Variants in MFN1 observed in about 807,000 individuals in gnomAD.
MFN1 encodes the protein mitofusin 1.
In MFN1, 65 loss-of-function variants were observed where a neutral mutation model predicts 92.4. The ratio of observed to expected loss-of-function variants is 0.70; its 90% CI spans 0.58 to 0.86. The LOEUF is 0.86. Among genes scored for constraint, MFN1 ranks in the 40% least tolerant of loss-of-function variants. The probability of loss-of-function intolerance (pLI) is 0.00; values close to 1 mark genes in which losing one functional copy is unlikely to be tolerated. For synonymous variants in MFN1, 297 were observed against 300.9 expected (o/e 0.99, Z 0.13); for missense variants, 781 against 868.0 (o/e 0.90, Z 1.26).
Position 179,365,239 on chromosome 3 carries a change from T to TG in MFN1, c.753+14_753+15insG. 1 of 1,452,522 alleles carries TG rather than the reference T, an allele frequency of 6.9e-7. No homozygotes were observed. Among genetic ancestry groups the TG allele is most frequent in the South Asian group, 1.4e-5 (1 of 73,254 alleles). 90.0% of individuals were successfully genotyped at this position (1,452,522 alleles called of 1,614,324 possible). On this transcript the variant is annotated intron_variant, in intron 7 of 17. Transcript: ENST00000471841. The stretch of plus-strand genomic sequence containing the variant: ...TATATGGAAGACGTAAGTTGTTATT[T>TG]TTTTTTTTGTAGGTTTTGAAATACA...
rs1398412365 is a variant in MFN1 at position 179,375,450 on chromosome 3, AC to A, written c.1097+111del. 4.1e-5 allele frequency: 56 copies of A among 1,357,988 alleles called. 1 individual carries two copies. The highest frequency in any genetic ancestry group is 3.8e-4 in the South Asian group (30 of 79,344). The allele number at this position is 1,357,988 out of a possible 1,614,324, so 84.1% of individuals were successfully genotyped here. ...ATAAATACTTTTTACACTGAAATCA[AC>A]CTTGTGGGTTTAACTGATGCCTACT... On this transcript the variant is annotated intron_variant, in intron 10 of 17. Transcript: ENST00000471841.
At chr3:179,357,160 A>G (rs1244706508) in intron 3 of MFN1, among the ~76,000 whole-genome samples, 1 of 152,186 alleles carries the variant, frequency 6.6e-6, no homozygotes, top group Non-Finnish European at 1.5e-5. Flanking sequence ...GCTATCCTTA[A>G]AAGTGTTACG....
At position 179,386,414 on chromosome 3, in the gene MFN1, C is replaced by T; in HGVS notation, c.1816-19C>T. 6.2e-7 allele frequency: 1 copy of T among 1,601,472 alleles called. No individual in the cohort carries two copies. The highest frequency in any genetic ancestry group is 8.5e-7 in the Non-Finnish European group (1 of 1,173,204). ...TGGTGTTTTTCCTTCTCAGACTAAG[C>T]TATGACTTTATCTTACAGATTTGGA... On this transcript the variant is annotated intron_variant, in intron 15 of 17. Transcript: ENST00000471841.
intron 3 of MFN1, among the ~76,000 whole-genome samples, chr3:179,357,688 A>G (rs936001178): frequency 6.6e-6 from 1 of 152,178 alleles, no homozygotes; most frequent in Non-Finnish European, 1.5e-5. Flanking sequence ...AGTTCTTTGC[A>G]TTTCAGAGCC....
chr3:179,348,182 C>T (rs1041799092), intron 1 of MFN1: 2 of 152,394 alleles, frequency 1.3e-5, no homozygotes, highest in Non-Finnish European at 1.5e-5. Context: ...CCACGCAGCT[C>T]CTTCGCGCGG....
intron 14 of MFN1, among the ~76,000 whole-genome samples, 173 bp from the exon 15 acceptor site, chr3:179,385,396 T>C (rs1713640061): frequency 1.3e-5 from 2 of 152,110 alleles, no homozygotes; most frequent in Admixed American, 1.3e-4. Context: ...TTGGTCCATA[T>C]TGTAGATAAG....
intron 3 of MFN1, among the ~76,000 whole-genome samples, chr3:179,353,811 G>A (rs996373242): frequency 3.3e-5 from 5 of 152,154 alleles, no homozygotes; most frequent in African/African-American, 1.2e-4. Context: ...TTTTCCCATC[G>A]TAGGGCTTTT....
In MFN1 at chr3:179,370,392, C is replaced by CTTTT. The variant is rs34938438; in HGVS notation, c.975+2309_975+2312dup. Among the ~76,000 whole-genome samples the CTTTT allele has an allele frequency of 2.8e-3, 249 of 88,076 alleles. 8 individuals are homozygous for CTTTT. Among genetic ancestry groups the CTTTT allele is most frequent in the African/African-American group, 6.4e-3 (142 of 22,286 alleles). The allele number at this position is 88,076 out of a possible 152,430, so 57.8% of individuals were successfully genotyped here. A position where few individuals can be genotyped will look rare whatever the true frequency, so the allele number is the denominator to read the frequency against. On this transcript the variant is annotated intron_variant, in intron 9 of 17. Coordinates refer to ENST00000471841, the MANE Select transcript of MFN1 (RefSeq NM_033540.3). Reference sequence around the variant, plus strand: ...TTTTTGGGGTTTCATTCACTAAGTTCTTTTTTTTTTTTTTTTTTTTTTTGA... The same window carrying CTTTT: ...TTTTTGGGGTTTCATTCACTAAGTTCTTTTTTTTTTTTTTTTTTTTTTTTTTTGA...
In MFN1 at chr3:179,385,739, T is replaced by C; in HGVS notation, c.1815+18T>C. On this transcript the variant is annotated intron_variant, in intron 15 of 17. Transcript: ENST00000471841. The stretch of plus-strand genomic sequence containing the variant: ...GAGGAGTGGTAAGAAACATTACTTT[T>C]AGTATAATTAAAATCGAAATGTTTG... 4.3e-6 allele frequency: 7 copies of C among 1,609,962 alleles called. No homozygotes were observed. Among genetic ancestry groups the C allele is most frequent in the Non-Finnish European group, 5.9e-6 (7 of 1,178,256 alleles).
chr3:179,347,834 C>T (rs1711973117), intron 1 of MFN1, 24 bp downstream of exon 1: 1 of 152,280 alleles, frequency 6.6e-6, no homozygotes, highest in Admixed American at 6.5e-5. Flanking sequence ...GCCTCGACAG[C>T]ACGTTTGCGA....
chr3:179,372,083 AT>A (rs1337721918), intron 9 of MFN1, among the ~76,000 whole-genome samples: 1 of 147,434 alleles, frequency 6.8e-6, no homozygotes, highest in Non-Finnish European at 1.5e-5. Flanking sequence ...TATAATACAT[AT>A]ATAAATATTA....
At chr3:179,368,516 C>T (rs1712894282) in intron 9 of MFN1, among the ~76,000 whole-genome samples, 1 of 152,194 alleles carries the variant, frequency 6.6e-6, no homozygotes, top group African/African-American at 2.4e-5. Flanking sequence ...GTATACAAAA[C>T]ATGATTAATG....
At chr3:179,348,667 C>A in intron 1 of MFN1, 178 bp from the exon 2 acceptor site, 3 of 851,024 alleles carry the variant, frequency 3.5e-6, no homozygotes, top group Non-Finnish European at 4.8e-6. Context: ...AGTGAAATAT[C>A]ATTCAAAAGT....
intron 17 of MFN1, among the ~76,000 whole-genome samples, chr3:179,391,351 AAAGTTAAAAAAAACAAATACC>A (rs2108563350): frequency 6.6e-6 from 1 of 152,258 alleles, no homozygotes; most frequent in East Asian, 1.9e-4. Flanking sequence ...CTAATAGAAA[AAAGTTAAAAAAAACAAATACC>A]ATAATATTTG....
intron 16 of MFN1, among the ~76,000 whole-genome samples, chr3:179,387,674 A>G (rs1266455465): frequency 5.2e-5 from 6 of 116,320 alleles, no homozygotes; most frequent in Non-Finnish European, 8.3e-5. Context: ...GCTCACTGCA[A>G]CCTCCACCTT....
chr3:179,370,392 C>CTTTTTTTTTTTTTTTTTTT (rs34938438), intron 9 of MFN1, among the ~76,000 whole-genome samples: 1 of 88,068 alleles, frequency 1.1e-5, no homozygotes, highest in Admixed American at 1.6e-4. Flanking sequence ...TCACTAAGTT[C>CTTTTTTTTTTTTTTTTTTT]TTTTTTTTTT....
At chr3:179,379,412 G>A (rs539638865) in intron 14 of MFN1, among the ~76,000 whole-genome samples, 1 of 152,252 alleles carries the variant, frequency 6.6e-6, no homozygotes, top group African/African-American at 2.4e-5. Context: ...GGAGTGCAGT[G>A]GTGCAATCTT....
At chr3:179,365,059 A>G in intron 6 of MFN1, 59 bp from the exon 7 acceptor site, 1 of 983,594 alleles carries the variant, frequency 1.0e-6, no homozygotes, top group Non-Finnish European at 1.5e-6. Context: ...TTAAAATAAA[A>G]TTTCAATTAT....
chr3:179,368,028 C>A lies in MFN1; in HGVS notation c.908-8C>A. On this transcript the variant is annotated splice_region_variant and splice_polypyrimidine_tract_variant and intron_variant, in intron 8 of 17. Coordinates refer to ENST00000471841, the MANE Select transcript of MFN1 (RefSeq NM_033540.3). ...CTAGGTTTTTAAATCTTTGCCTGTA[C>A]GTTACAGGTGTGGCACTTGCTGAAG... 6.6e-7 allele frequency: 1 copy of A among 1,522,996 alleles called. No homozygotes were observed. Among genetic ancestry groups the A allele is most frequent in the Non-Finnish European group, 8.8e-7 (1 of 1,131,328 alleles). 94.3% of individuals were successfully genotyped at this position (1,522,996 alleles called of 1,614,324 possible).
Sources: allele counts gnomAD v4.1 joint callset (sites outside exome capture counted in the v4.1 genomes callset), GRCh38; gene constraint gnomAD v4.1.1; transcripts MANE v1.5; gene names NCBI Gene and HGNC (gene_info 2026-07-23, HGNC 2026-07-21).